DERA: variants seen among roughly 807,000 people sequenced by gnomAD.
DERA encodes deoxyribose-phosphate aldolase.
Under a neutral mutation model 41.1 loss-of-function variants are expected in DERA, and 15 were observed. The ratio of observed to expected loss-of-function variants is 0.37; its 90% CI spans 0.24 to 0.56. DERA has a LOEUF of 0.56. DERA is among the 20% of genes least tolerant of loss of function. The probability of loss-of-function intolerance (pLI) is 0.81; values close to 1 mark genes in which losing one functional copy is unlikely to be tolerated. For missense variants in DERA, 396 were observed against 403.4 expected, an observed-to-expected ratio of 0.98 and a Z score of 0.16; for synonymous variants, 139 against 137.4, an observed-to-expected ratio of 1.01 and a Z score of -0.08.
At chr12:15,958,436 A>G (rs1201276116) in intron 3 of DERA, 101 bp downstream of exon 3, 7 of 862,998 alleles carry the variant, frequency 8.1e-6, no homozygotes, top group Non-Finnish European at 1.2e-5. Flanking sequence ...TAGCGGTGAT[A>G]GAATCCATGA....
At chr12:15,916,638 A>T (rs753949834) in intron 1 of DERA, among the ~76,000 whole-genome samples, 8 of 151,666 alleles carry the variant, frequency 5.3e-5, no homozygotes, top group Non-Finnish European at 1.0e-4. Flanking sequence ...TTTAGTAGAG[A>T]TGGGGTTTCA....
chr12:15,935,391 C>G lies in DERA; in HGVS notation c.32-21545C>G, dbSNP rs1948357465. 6.6e-6 allele frequency among the ~76,000 whole-genome samples: 1 copy of G among 151,998 alleles called. No homozygotes were observed. The highest frequency in any genetic ancestry group is 1.5e-5 in the Non-Finnish European group (1 of 67,998). ...AGTCCTACCTACTTGGGAGGCTGAG[C>G]TGGGAGGATTGCTTGAACCCGGGAG... On this transcript the variant is annotated intron_variant, in intron 1 of 8. Coordinates refer to ENST00000428559, the MANE Select transcript of DERA (RefSeq NM_015954.4). The surrounding 1 kb of genome is among the most constrained non-coding windows in gnomAD (Gnocchi z 4.8).
rs574633385 is a variant in DERA at position 16,012,791 on chromosome 12, T to A, written c.638-19751T>A. On this transcript the variant is annotated intron_variant, in intron 6 of 8. Transcript: ENST00000428559. This position sits in a 1 kb window ranked among gnomAD's most constrained non-coding sequence, Gnocchi z 4.1. ...TGCTGTTGAACAGATATATTTAATT[T>A]AAAAATTTTTAATAACCACATTAAT... Among the ~76,000 whole-genome samples the A allele has an allele frequency of 4.3e-4, 65 of 152,348 alleles. No individual in the cohort carries two copies. The highest frequency in any genetic ancestry group is 7.8e-4 in the Admixed American group (12 of 15,304).
rs186004853 is a variant in DERA, at chr12:15,941,793, T to C, written c.32-15143T>C. ...TTGATTCATGGGCACTTAGGTTGAT[T>C]CCGTATCTTTGCATTTGCAAAATGT... On this transcript the variant is annotated intron_variant, in intron 1 of 8. Coordinates refer to ENST00000428559, the MANE Select transcript of DERA (RefSeq NM_015954.4). This position sits in a 1 kb window ranked among gnomAD's most constrained non-coding sequence, Gnocchi z 4.5. Among the ~76,000 whole-genome samples, 673 of 152,362 alleles carry C rather than the reference T, an allele frequency of 4.4e-3. 4 individuals carry two copies. The highest frequency in any genetic ancestry group is 0.015 in the African/African-American group (644 of 41,578).
intron 1 of DERA, among the ~76,000 whole-genome samples, chr12:15,951,903 T>G (rs866584815): frequency 2.0e-4 from 30 of 152,264 alleles, no homozygotes; most frequent in Middle Eastern, 6.8e-3. Flanking sequence ...CTCGTTCTTT[T>G]TTTTTTTCTT....
chr12:15,932,045 T>A, intron 1 of DERA, among the ~76,000 whole-genome samples: 1 of 152,204 alleles, frequency 6.6e-6, no homozygotes, highest in East Asian at 1.9e-4. Flanking sequence ...TAAACCCCTT[T>A]TCTTTGTAAA....
chr12:15,916,180 T>C (rs963639629), intron 1 of DERA: 1 of 152,208 alleles, frequency 6.6e-6, no homozygotes, highest in Admixed American at 6.5e-5. Context: ...TTTGGTAGAT[T>C]ATGAGAGTAG....
rs994390974 is a variant in DERA at position 15,998,786 on chromosome 12, C to T, written c.637+16350C>T. Reference sequence around the variant, plus strand: ...TTATTTGGACCGCTGAACTTACATCCCCAAAGAAACAAGATTGTACATTGT... The same window carrying T: ...TTATTTGGACCGCTGAACTTACATCTCCAAAGAAACAAGATTGTACATTGT... On this transcript the variant is annotated intron_variant, in intron 6 of 8. Transcript: ENST00000428559. The surrounding 1 kb of genome is among the most constrained non-coding windows in gnomAD (Gnocchi z 4.8). 6.6e-6 allele frequency among the ~76,000 whole-genome samples: 1 copy of T among 151,982 alleles called. No individual in the cohort carries two copies. Among genetic ancestry groups the T allele is most frequent in the African/African-American group, 2.4e-5 (1 of 41,388 alleles).
rs142259259 is a variant in DERA, at chr12:15,918,520, C to T, written c.31+7106C>T. On this transcript the variant is annotated intron_variant, in intron 1 of 8. Coordinates refer to ENST00000428559, the MANE Select transcript of DERA (RefSeq NM_015954.4). The surrounding 1 kb of genome is among the most constrained non-coding windows in gnomAD (Gnocchi z 4.3). The stretch of plus-strand genomic sequence containing the variant: ...CCCCACCCCAACGGTTTAGGACAAT[C>T]GTTTGGGAAGGGGAAGGGGGCCAGA... Among the ~76,000 whole-genome samples, 822 of 152,154 alleles carry T rather than the reference C, an allele frequency of 5.4e-3. 9 individuals carry two copies. The highest frequency in any genetic ancestry group is 0.014 in the Middle Eastern group (4 of 294).
intron 4 of DERA, among the ~76,000 whole-genome samples, chr12:15,960,636 CAA>C (rs1163104277): frequency 0.024 from 678 of 28,536 alleles, 3 homozygotes; most frequent in African/African-American, 0.082. Flanking sequence ...GACTCCGTCT[CAA>C]AAAAAAAAAA....
Position 15,989,936 on chromosome 12 carries a change from A to G in DERA, c.637+7500A>G, listed in dbSNP as rs898685851. ...TTCAAAATGTTTTAGAGCAAGGAAC[A>G]CAGTCAGAAGACCAGAACTCTTGTT... On this transcript the variant is annotated intron_variant, in intron 6 of 8. Transcript: ENST00000428559. The surrounding 1 kb of genome is among the most constrained non-coding windows in gnomAD (Gnocchi z 5.2). Among the ~76,000 whole-genome samples the G allele has an allele frequency of 2.0e-5, 3 of 152,226 alleles. No homozygotes were observed. The highest frequency in any genetic ancestry group is 4.4e-5 in the Non-Finnish European group (3 of 68,038).
At chr12:15,926,513 G>T (rs566271893) in intron 1 of DERA, among the ~76,000 whole-genome samples, 3 of 152,078 alleles carry the variant, frequency 2.0e-5, no homozygotes, top group East Asian at 2.0e-4. Context: ...GAGGCGGGCG[G>T]ATCACGAGAT....
At chr12:15,948,665 T>C (rs991088095) in intron 1 of DERA, among the ~76,000 whole-genome samples, 2 of 152,110 alleles carry the variant, frequency 1.3e-5, no homozygotes, top group African/African-American at 4.8e-5. Flanking sequence ...TAGCTCGGAG[T>C]AGTTTGATCA....
At chr12:16,015,475 T>G (rs1244554310) in intron 6 of DERA, among the ~76,000 whole-genome samples, 2 of 152,238 alleles carry the variant, frequency 1.3e-5, no homozygotes, top group African/African-American at 2.4e-5. Flanking sequence ...GGTGCCTAGC[T>G]TCCTTTTCAT....
intron 6 of DERA, among the ~76,000 whole-genome samples, chr12:16,027,661 G>T (rs2136187951): frequency 6.6e-6 from 1 of 152,312 alleles, no homozygotes; most frequent in South Asian, 2.1e-4. Context: ...GTATGGCTCT[G>T]CTGACACTTT....
At chr12:15,978,917 G>A (rs754017838) in intron 5 of DERA, among the ~76,000 whole-genome samples, 12 of 152,184 alleles carry the variant, frequency 7.9e-5, no homozygotes, top group African/African-American at 1.2e-4. Context: ...TAACCTGTTT[G>A]AAAATAACTC....
At position 15,981,317 on chromosome 12, in the gene DERA, C is replaced by CA. The variant is rs1469850065; in HGVS notation, c.509-990dup. ...GAGCTGAGATCACGCCACTGCACTC[C>CA]AGCCTGGGTGACAGAGCAAGACTCC... On this transcript the variant is annotated intron_variant, in intron 5 of 8. Transcript: ENST00000428559. The surrounding 1 kb of genome is among the most constrained non-coding windows in gnomAD (Gnocchi z 6.1). Among the ~76,000 whole-genome samples the CA allele has an allele frequency of 6.6e-6, 1 of 152,102 alleles. No homozygotes were observed. The highest frequency in any genetic ancestry group is 1.5e-5 in the Non-Finnish European group (1 of 68,020).
chr12:15,928,228 T>C lies in DERA; in HGVS notation c.31+16814T>C, dbSNP rs867595841. Among the ~76,000 whole-genome samples the C allele has an allele frequency of 3.9e-5, 6 of 152,210 alleles. No individual in the cohort carries two copies. Among genetic ancestry groups the C allele is most frequent in the Middle Eastern group, 3.2e-3 (1 of 316 alleles). The stretch of plus-strand genomic sequence containing the variant: ...TGCTGTGCAGTAGATCTCAAAGACT[T>C]ACTTTTCTTGTATGACTGAAACTTT... On this transcript the variant is annotated intron_variant, in intron 1 of 8. Transcript: ENST00000428559. This position sits in a 1 kb window ranked among gnomAD's most constrained non-coding sequence, Gnocchi z 4.6.
At chr12:16,006,999 G>T (rs1381400331) in intron 6 of DERA, among the ~76,000 whole-genome samples, 1 of 152,142 alleles carries the variant, frequency 6.6e-6, no homozygotes, top group East Asian at 1.9e-4. Flanking sequence ...GTCACGTTAT[G>T]TATCAAGCTC....
Sources: gnomAD v4.1 joint callset for allele counts (sites outside exome capture counted in the v4.1 genomes callset) on GRCh38, gnomAD v4.1.1 for gene constraint, Gnocchi (gnomAD v3.1) non-coding constraint, MANE v1.5 for transcripts, NCBI Gene and HGNC (gene_info 2026-07-23, HGNC 2026-07-21) for gene names.